FAM118B: variants seen among roughly 807,000 people sequenced by gnomAD.
The protein encoded by FAM118B is SIR2 antiphage like 1.
Under a neutral mutation model 38.5 loss-of-function variants are expected in FAM118B, and 24 were observed. That is an observed-to-expected ratio of 0.62 (90% CI 0.45 to 0.88). The LOEUF (loss-of-function observed/expected upper bound fraction) is 0.88, where lower values mean the gene tolerates loss of function less well. Ranked by LOEUF, FAM118B falls within the 40% of genes least tolerant of loss-of-function variation. The pLI is 0.00. For synonymous variants in FAM118B, 138 were observed against 156.3 expected (o/e 0.88, Z 0.87); for missense variants, 334 against 420.0 (o/e 0.80, Z 1.79).
At chr11:126,248,358 C>CCTTTT (rs1950446064) in intron 4 of FAM118B, among the ~76,000 whole-genome samples, 1 of 36,966 alleles carries the variant, frequency 2.7e-5, no homozygotes. Flanking sequence ...TAGTAGTTGA[C>CCTTTT]TTTTTTTTTT....
At chr11:126,243,955 A>G (rs1393243031) in intron 4 of FAM118B, among the ~76,000 whole-genome samples, 3 of 152,054 alleles carry the variant, frequency 2.0e-5, no homozygotes, top group Admixed American at 6.6e-5. Context: ...TATCAATAGG[A>G]TAAAAGACAA....
chr11:126,261,869 A>G (rs1950708036), intron 8 of FAM118B, among the ~76,000 whole-genome samples: 1 of 152,082 alleles, frequency 6.6e-6, no homozygotes, highest in Non-Finnish European at 1.5e-5. Flanking sequence ...CTGTGTGCCT[A>G]TAGTCCCGGC....
chr11:126,224,683 G>T (rs1249370699), intron 1 of FAM118B, among the ~76,000 whole-genome samples: 3 of 152,118 alleles, frequency 2.0e-5, no homozygotes, highest in African/African-American at 7.2e-5. Flanking sequence ...CATAGAGAAA[G>T]AACATTCCAG....
intron 3 of FAM118B, among the ~76,000 whole-genome samples, chr11:126,236,943 G>T (rs1184416881): frequency 2.5e-5 from 3 of 118,120 alleles, no homozygotes; most frequent in Non-Finnish European, 5.0e-5. Flanking sequence ...TTTTTAGACA[G>T]AGTCTCACTG....
At position 126,220,846 on chromosome 11, in the gene FAM118B, T is replaced by C. The variant is rs527785760; in HGVS notation, c.-76-8379T>C. The stretch of plus-strand genomic sequence containing the variant: ...TTTTTAAGAGCTTTCAGATTCTTAT[T>C]TCAGATCTAAACAGTGCTTTTCAGC... On this transcript the variant is annotated intron_variant, in intron 1 of 8. Coordinates refer to ENST00000533050, the MANE Select transcript of FAM118B (RefSeq NM_024556.4). Among the ~76,000 whole-genome samples the C allele has an allele frequency of 3.7e-4, 57 of 152,228 alleles. No homozygotes were observed. The South Asian group carries it at 0.012, about 32-fold the overall frequency.
intron 6 of FAM118B, 100 bp downstream of exon 6, chr11:126,254,533 T>G (rs1950548707): frequency 6.7e-7 from 1 of 1,498,266 alleles, no homozygotes; most frequent in Non-Finnish European, 9.1e-7. Context: ...TTTCATTAAG[T>G]GAAAACGGAA....
At chr11:126,249,731 CAAAAAA>C (rs71048775) in intron 4 of FAM118B, among the ~76,000 whole-genome samples, 1,327 of 78,988 alleles carry the variant, frequency 0.017, 10 homozygotes, top group Non-Finnish European at 0.023. Flanking sequence ...GACTCCGTCT[CAAAAAA>C]AAAAAAAAAA....
chr11:126,240,236 C>T (rs1157278480), intron 3 of FAM118B, among the ~76,000 whole-genome samples: 5 of 151,368 alleles, frequency 3.3e-5, no homozygotes, highest in Non-Finnish European at 7.4e-5. Flanking sequence ...GTATGTAGGG[C>T]CCCTGTGTTT....
chr11:126,236,804 G>A (rs1454597847), intron 3 of FAM118B, among the ~76,000 whole-genome samples: 8 of 146,738 alleles, frequency 5.5e-5, no homozygotes, highest in Admixed American at 5.4e-4. Flanking sequence ...GCTTTCTCGG[G>A]GGTTCTCTGT....
At chr11:126,241,225 A>G in intron 4 of FAM118B, 181 bp downstream of exon 4, 2 of 581,484 alleles carry the variant, frequency 3.4e-6, no homozygotes, top group Non-Finnish European at 5.8e-6. Context: ...CCTACTCAGG[A>G]CAGTTGTCTT....
At chr11:126,241,088 A>AT in intron 4 of FAM118B, 44 bp downstream of exon 4, 1 of 1,511,922 alleles carries the variant, frequency 6.6e-7, no homozygotes, top group Non-Finnish European at 8.9e-7. Context: ...ATTTCCTAAA[A>AT]TTTAACTATC....
intron 4 of FAM118B, chr11:126,241,293 C>T (rs1950354839): frequency 2.7e-6 from 1 of 373,152 alleles, no homozygotes; most frequent in Non-Finnish European, 4.8e-6. Flanking sequence ...TTTATATGTA[C>T]AAATTACCAC....
At chr11:126,214,494 T>TG (rs1949945086) in intron 1 of FAM118B, 1 of 77,454 alleles carries the variant, frequency 1.3e-5, no homozygotes, top group Admixed American at 1.7e-4. Flanking sequence ...GTTTCTGTTT[T>TG]TTTTTTTTGT....
Position 126,244,269 on chromosome 11 carries a change from A to C in FAM118B, c.339+3225A>C, listed in dbSNP as rs575797026. Among the ~76,000 whole-genome samples, 7 of 152,308 alleles carry C rather than the reference A, an allele frequency of 4.6e-5. No homozygotes were observed. Among genetic ancestry groups the C allele is most frequent in the African/African-American group, 1.7e-4 (7 of 41,578 alleles). ...GCAGTTAAGCAAGAAAACTAAAGGA[A>C]TCCATATTGGAAAGGAAGAAGTAAA... On this transcript the variant is annotated intron_variant, in intron 4 of 8. Transcript: ENST00000533050. The surrounding 1 kb of genome is among the most constrained non-coding windows in gnomAD (Gnocchi z 4.5).
intron 7 of FAM118B, among the ~76,000 whole-genome samples, chr11:126,259,842 TC>T (rs1469677540): frequency 3.9e-5 from 6 of 151,910 alleles, no homozygotes; most frequent in Non-Finnish European, 8.8e-5. Context: ...TGCCTCAGTC[TC>T]CCGAGTAGCT....
chr11:126,225,946 C>T (rs1950134438), intron 1 of FAM118B, among the ~76,000 whole-genome samples: 1 of 152,000 alleles, frequency 6.6e-6, no homozygotes, highest in Admixed American at 6.6e-5. Context: ...GCACCACTGC[C>T]CTCCAGCCTG....
At chr11:126,229,141 T>G (rs553933333) in intron 1 of FAM118B, 84 bp from the exon 2 acceptor site, 1 of 152,170 alleles carries the variant, frequency 6.6e-6, no homozygotes, top group Admixed American at 6.5e-5. Flanking sequence ...TGGAATTGTT[T>G]GTGTGATCAT....
rs1478294110 is a variant in FAM118B at position 126,262,434 on chromosome 11, T to C, written c.*301T>C. 1 of 405,244 alleles carries C rather than the reference T, an allele frequency of 2.5e-6. No individual in the cohort carries two copies. Among genetic ancestry groups the C allele is most frequent in the Non-Finnish European group, 4.4e-6 (1 of 226,900 alleles). The allele number at this position is 405,244 out of a possible 1,614,324, so 25.1% of individuals were successfully genotyped here. On this transcript the variant is annotated 3_prime_UTR_variant, in exon 9 of 9. Transcript: ENST00000533050. ...TCCACACAGCACACCAATGTGATAC[T>C]TCCACTGACCGGCTGCAGCTCTGCA...
chr11:126,256,310 C>G lies in FAM118B; in HGVS notation c.697-257C>G, dbSNP rs140784274. Among the ~76,000 whole-genome samples the G allele has an allele frequency of 3.3e-5, 5 of 152,304 alleles. No homozygotes were observed. In the East Asian group the frequency reaches 9.6e-4, roughly 29 times the overall value. On this transcript the variant is annotated intron_variant, in intron 6 of 8. Coordinates refer to ENST00000533050, the MANE Select transcript of FAM118B (RefSeq NM_024556.4). This position sits in a 1 kb window ranked among gnomAD's most constrained non-coding sequence, Gnocchi z 6.6. ...AAAAATAAAGAAGTAAACTACTGCA[C>G]CAGTACACTGACACCAGCTCTATGA...
Sources: gnomAD v4.1 joint callset for allele counts (sites outside exome capture counted in the v4.1 genomes callset) on GRCh38, gnomAD v4.1.1 for gene constraint, Gnocchi (gnomAD v3.1) non-coding constraint, MANE v1.5 for transcripts, NCBI Gene and HGNC (gene_info 2026-07-23, HGNC 2026-07-21) for gene names.